Variants in PCMT1 observed in about 807,000 individuals in gnomAD.
The protein encoded by PCMT1 is protein-L-isoaspartate (D-aspartate) O-methyltransferase.
PCMT1 carries 9 observed loss-of-function variants against 29.2 expected under a neutral mutation model. The ratio of observed to expected loss-of-function variants is 0.31; its 90% confidence interval spans 0.19 to 0.54. The LOEUF (loss-of-function observed/expected upper bound fraction) is 0.54. PCMT1 is among the 20% of genes least tolerant of loss of function. PCMT1 has a pLI of 0.95. For missense variants in PCMT1, 184 were observed against 282.2 expected (o/e 0.65, Z 2.49); for synonymous variants, 98 against 97.5 (o/e 1.00, Z -0.03).
intron 7 of PCMT1, among the ~76,000 whole-genome samples, chr6:149,806,717 A>G (rs553920131): frequency 2.0e-5 from 3 of 151,986 alleles, no homozygotes; most frequent in Non-Finnish European, 4.4e-5. Flanking sequence ...CAGCCTTCTG[A>G]GTAGCTGGGA....
intron 5 of PCMT1, among the ~76,000 whole-genome samples, chr6:149,795,931 G>A (rs1247912676): frequency 6.6e-6 from 1 of 152,190 alleles, no homozygotes; most frequent in Non-Finnish European, 1.5e-5. Context: ...ATGCTTTAGA[G>A]TGAGTCACGT....
intron 7 of PCMT1, among the ~76,000 whole-genome samples, chr6:149,808,931 T>C (rs373905726): frequency 0.012 from 5 of 422 alleles, no homozygotes; most frequent in South Asian, 0.071. Flanking sequence ...CCACTGCCCC[T>C]GGCAAATTGT....
At chr6:149,759,039 G>A (rs937093057) in intron 1 of PCMT1, among the ~76,000 whole-genome samples, 40 of 152,086 alleles carry the variant, frequency 2.6e-4, no homozygotes, top group Non-Finnish European at 3.1e-4. Context: ...ACCATGCCCA[G>A]CTAGTTTTTG....
intron 1 of PCMT1, among the ~76,000 whole-genome samples, chr6:149,765,084 G>A (rs927957324): frequency 1.3e-5 from 2 of 149,906 alleles, no homozygotes; most frequent in African/African-American, 4.9e-5. Flanking sequence ...ATGCGGCCAG[G>A]TGCGGTGGCT....
At chr6:149,763,289 A>T (rs1200478011) in intron 1 of PCMT1, among the ~76,000 whole-genome samples, 1 of 146,680 alleles carries the variant, frequency 6.8e-6, no homozygotes, top group Non-Finnish European at 1.5e-5. Context: ...TATGATATCT[A>T]TGATATATAT....
intron 1 of PCMT1, among the ~76,000 whole-genome samples, chr6:149,766,550 G>A (rs992120402): frequency 6.6e-6 from 1 of 152,184 alleles, no homozygotes; most frequent in African/African-American, 2.4e-5. Flanking sequence ...GACAAAATTT[G>A]GCCTGCTGCC....
At chr6:149,802,490 A>G in intron 7 of PCMT1, 74 bp downstream of exon 7, 1 of 1,333,702 alleles carries the variant, frequency 7.5e-7, no homozygotes. Context: ...CTCCTCCATT[A>G]TAACGTCAGA....
intron 3 of PCMT1, among the ~76,000 whole-genome samples, chr6:149,781,530 A>AT (rs1363749846): frequency 2.0e-5 from 3 of 151,794 alleles, no homozygotes; most frequent in East Asian, 1.9e-4. Flanking sequence ...CGGCCAAAAA[A>AT]TTTTTTTTAA....
In PCMT1 at chr6:149,802,325, G is replaced by A. The variant is rs549768309; in HGVS notation, c.630G>A (p.Gly210=). The A allele has an allele frequency of 1.4e-4, 225 of 1,613,600 alleles. 4 individuals are homozygous for A. The East Asian group carries it at 4.9e-3, about 35-fold the overall frequency. Residue 210 remains glycine, a synonymous_variant, in exon 7 of 8, where the codon GGG becomes GGA. Coordinates refer to ENST00000464889, the MANE Select transcript of PCMT1 (RefSeq NM_001360452.2). ...GCATCAAAATGAAGCCTCTGATGGG[G>A]GTGATATACGTGCCTTTAACAGATA... ...DGSIKMKPLM[G]VIYVPLTDKE... is the part of the protein sequence containing the mutation.
At position 149,793,491 on chromosome 6, in the gene PCMT1, A is replaced by G. The variant is rs1467897577; in HGVS notation, c.298-58A>G. ...CTTTCGATAAGGAAAAACTTCAATA[A>G]TACTTTAGAAAAACAAATTTAGCCC... On this transcript the variant is annotated intron_variant, in intron 4 of 7. Transcript: ENST00000464889. 4 of 1,367,106 alleles carry G rather than the reference A, an allele frequency of 2.9e-6. No individual in the cohort carries two copies. In the African/African-American group the frequency reaches 4.5e-5, roughly 15 times the overall value. The allele number at this position is 1,367,106 out of a possible 1,614,324, so 84.7% of individuals were successfully genotyped here.
chr6:149,778,282 G>A (rs1056615266), intron 3 of PCMT1, among the ~76,000 whole-genome samples: 4 of 151,654 alleles, frequency 2.6e-5, no homozygotes, highest in African/African-American at 9.7e-5. Context: ...AGGCTGGAGT[G>A]CAGTGGCACA....
rs1202836219 is a variant in PCMT1 at position 149,762,880 on chromosome 6, A to ATATC, written c.56-8279_56-8278insCTAT. ...TCTATGATATATATATCTATGATAT[A>ATATC]TATGTTATATATATCTATGATATAT... On this transcript the variant is annotated intron_variant, in intron 1 of 7. Transcript: ENST00000464889. 5.3e-5 allele frequency among the ~76,000 whole-genome samples: 3 copies of ATATC among 56,358 alleles called. 1 individual carries two copies. The highest frequency in any genetic ancestry group is 7.3e-5 in the Non-Finnish European group (3 of 40,854). The allele number at this position is 56,358 out of a possible 152,430, so 37.0% of individuals were successfully genotyped here. A position where few individuals can be genotyped will look rare whatever the true frequency, so the allele number is the denominator to read the frequency against.
chr6:149,768,286 C>G (rs1327885219), intron 1 of PCMT1, among the ~76,000 whole-genome samples: 1 of 151,192 alleles, frequency 6.6e-6, no homozygotes, highest in African/African-American at 2.4e-5. Flanking sequence ...GAAACGGGGT[C>G]TCCCTATGTT....
chr6:149,769,634 T>G (rs2115247339), intron 1 of PCMT1, among the ~76,000 whole-genome samples: 1 of 151,506 alleles, frequency 6.6e-6, no homozygotes, highest in South Asian at 2.1e-4. Context: ...GGTCATGCTT[T>G]CTCACCCAAG....
chr6:149,763,187 A>G (rs1453570174), intron 1 of PCMT1, among the ~76,000 whole-genome samples: 3 of 68,506 alleles, frequency 4.4e-5, no homozygotes, highest in African/African-American at 1.1e-4. Context: ...TATATCTATG[A>G]TATCTATGAT....
rs146279059 is a variant in PCMT1 at position 149,806,357 on chromosome 6, G to C, written c.*37+3941G>C. 9.2e-5 allele frequency among the ~76,000 whole-genome samples: 14 copies of C among 152,298 alleles called. No homozygotes were observed. In the East Asian group the frequency reaches 2.7e-3, roughly 29 times the overall value. On this transcript the variant is annotated intron_variant, in intron 7 of 7. Transcript: ENST00000464889. ...CTAGCTGTTATGTAGAGACTAGCCT[G>C]GGAAGGGACAAAAGTCGAGTCAGAA...
At chr6:149,767,857 G>A (rs183872519) in intron 1 of PCMT1, among the ~76,000 whole-genome samples, 8 of 152,130 alleles carry the variant, frequency 5.3e-5, no homozygotes, top group African/African-American at 1.7e-4. Context: ...GCAGTGGCGC[G>A]ATCTTGGCTC....
intron 1 of PCMT1, among the ~76,000 whole-genome samples, chr6:149,753,069 T>C (rs1786386666): frequency 6.6e-6 from 1 of 152,202 alleles, no homozygotes; most frequent in East Asian, 1.9e-4. Flanking sequence ...TGTGCAACTT[T>C]AGTTTCAACT....
In PCMT1 at chr6:149,793,338, A is replaced by G. The variant is rs140801608; in HGVS notation, c.298-211A>G. ...GAAAGATATAATTTTTCTTAGTATT[A>G]CAAGTTTTATTCAATGAGAGTGATA... On this transcript the variant is annotated intron_variant, in intron 4 of 7. Transcript: ENST00000464889. Among the ~76,000 whole-genome samples the G allele has an allele frequency of 7.4e-4, 113 of 152,336 alleles. 1 individual carries two copies. The highest frequency in any genetic ancestry group is 2.6e-3 in the African/African-American group (108 of 41,586).
Sources: gnomAD v4.1 joint callset for allele counts (sites outside exome capture counted in the v4.1 genomes callset) on GRCh38, gnomAD v4.1.1 for gene constraint, MANE v1.5 for transcripts, NCBI Gene and HGNC (gene_info 2026-07-23, HGNC 2026-07-21) for gene names.